The following PRR5L variants were observed in gnomAD, a reference collection of about 807,000 sequenced individuals.
PRR5L encodes the protein proline-rich protein 5-like.
PRR5L carries 21 observed loss-of-function variants against 36.4 expected under a neutral mutation model. The ratio of observed to expected loss-of-function variants is 0.58; its 90% CI spans 0.41 to 0.83. The LOEUF (loss-of-function observed/expected upper bound fraction) is 0.83, where lower values mean the gene tolerates loss of function less well. Ranked by LOEUF, PRR5L falls within the 40% of genes least tolerant of loss-of-function variation. PRR5L has a pLI of 0.00. For synonymous variants in PRR5L, 188 were observed against 197.0 expected, an observed-to-expected ratio of 0.95 and a Z score of 0.38; for missense variants, 381 against 473.3, an observed-to-expected ratio of 0.80 and a Z score of 1.81.
intron 6 of PRR5L, among the ~76,000 whole-genome samples, chr11:36,446,041 A>T (rs1858821538): frequency 6.6e-6 from 1 of 152,164 alleles, no homozygotes; most frequent in Non-Finnish European, 1.5e-5. Flanking sequence ...TAGCACTTAT[A>T]ATAGTGTGGC....
intron 1 of PRR5L, among the ~76,000 whole-genome samples, chr11:36,351,415 A>T (rs867233311): frequency 7.2e-5 from 5 of 69,144 alleles, no homozygotes; most frequent in Non-Finnish European, 1.2e-4. Context: ...ATATATATGT[A>T]TATATATTTA....
At chr11:36,331,137 T>A (rs1299387574) in intron 1 of PRR5L, among the ~76,000 whole-genome samples, 1 of 152,186 alleles carries the variant, frequency 6.6e-6, no homozygotes, top group Non-Finnish European at 1.5e-5. Context: ...ACATTATACA[T>A]TTCTGAAATA....
chr11:36,422,595 G>A (rs1240481617), intron 4 of PRR5L, among the ~76,000 whole-genome samples: 2 of 152,124 alleles, frequency 1.3e-5, no homozygotes, highest in East Asian at 1.9e-4. Context: ...TTTTGAAAGC[G>A]AACATTCTCA....
At chr11:36,376,646 C>T in intron 1 of PRR5L, 2 of 992,512 alleles carry the variant, frequency 2.0e-6, no homozygotes, top group Non-Finnish European at 2.4e-6. Context: ...GAGTCTGGGG[C>T]GGAGGCGAGC....
At chr11:36,380,765 A>T (rs1226954285) in intron 1 of PRR5L, among the ~76,000 whole-genome samples, 1 of 152,206 alleles carries the variant, frequency 6.6e-6, no homozygotes, top group African/African-American at 2.4e-5. Context: ...AGAGGTTTTT[A>T]TATATTCTTC....
In PRR5L at chr11:36,390,237, G is replaced by T. The variant is rs560987051; in HGVS notation, c.-125-10760G>T. ...CAAGTGAAGGTGGGCTATAAAGGGGGTGCAGGTTTGAACCTGGAGAGTTGG... is the reference window on the plus strand; with the variant it reads ...CAAGTGAAGGTGGGCTATAAAGGGGTTGCAGGTTTGAACCTGGAGAGTTGG... On this transcript the variant is annotated intron_variant, in intron 1 of 8. Coordinates refer to ENST00000530639, the MANE Select transcript of PRR5L (RefSeq NM_001160167.2). 5.2e-3 allele frequency among the ~76,000 whole-genome samples: 785 copies of T among 152,302 alleles called. 5 individuals are homozygous for T. Among genetic ancestry groups the T allele is most frequent in the Non-Finnish European group, 8.1e-3 (550 of 68,028 alleles).
chr11:36,393,233 G>T (rs1202072732), intron 1 of PRR5L, among the ~76,000 whole-genome samples: 3 of 152,146 alleles, frequency 2.0e-5, no homozygotes, highest in Non-Finnish European at 4.4e-5. Flanking sequence ...TGCTTGTGGG[G>T]TATTACTCAA....
At chr11:36,419,589 T>C (rs1170644079) in intron 4 of PRR5L, among the ~76,000 whole-genome samples, 1 of 152,234 alleles carries the variant, frequency 6.6e-6, no homozygotes, top group Non-Finnish European at 1.5e-5. Flanking sequence ...TTTACCATAA[T>C]AGAAATTAAA....
chr11:36,428,128 C>A (rs775748436), intron 4 of PRR5L, among the ~76,000 whole-genome samples: 1 of 152,182 alleles, frequency 6.6e-6, no homozygotes, highest in South Asian at 2.1e-4. Flanking sequence ...AGGCCTCCAC[C>A]AACATGACTC....
intron 8 of PRR5L, among the ~76,000 whole-genome samples, chr11:36,457,335 A>C (rs1859081947): frequency 6.6e-6 from 1 of 152,188 alleles, no homozygotes; most frequent in African/African-American, 2.4e-5. Context: ...GGCCGGGCAC[A>C]GTGGCTCATG....
intron 4 of PRR5L, among the ~76,000 whole-genome samples, chr11:36,430,118 A>G (rs1858462341): frequency 6.6e-6 from 1 of 152,050 alleles, no homozygotes; most frequent in Non-Finnish European, 1.5e-5. Flanking sequence ...CCATCTTGAA[A>G]CTACATGGTG....
At chr11:36,330,738 A>G (rs1320983113) in intron 1 of PRR5L, among the ~76,000 whole-genome samples, 1 of 152,240 alleles carries the variant, frequency 6.6e-6, no homozygotes, top group African/African-American at 2.4e-5. Context: ...TTTAGAGACA[A>G]TAGCTAGAAT....
rs1367416163 is a variant in PRR5L at position 36,342,896 on chromosome 11, A to G, written c.-126+46458A>G. 4.6e-5 allele frequency among the ~76,000 whole-genome samples: 7 copies of G among 152,248 alleles called. No homozygotes were observed. In the East Asian group the frequency reaches 1.3e-3, roughly 29 times the overall value. On this transcript the variant is annotated intron_variant, in intron 1 of 8. Transcript: ENST00000530639. ...CCTTAAAACCTGCAGGCATTTAAAAAAATACTGGTGATGCACCAGGGACTG... is the reference window on the plus strand; with the variant it reads ...CCTTAAAACCTGCAGGCATTTAAAAGAATACTGGTGATGCACCAGGGACTG...
rs570406471 is a variant in PRR5L at position 36,406,200 on chromosome 11, C to G, written c.245+2822C>G. Among the ~76,000 whole-genome samples, 55 of 152,124 alleles carry G rather than the reference C, an allele frequency of 3.6e-4. 1 individual carries two copies. The highest frequency in any genetic ancestry group is 1.0e-3 in the African/African-American group (43 of 41,490). Reference sequence around the variant, plus strand: ...CACTCATCATGAGGAGCATGACACTCCCCCAGCCCTCCTTTCCAGTGTTGG... The same window carrying G: ...CACTCATCATGAGGAGCATGACACTGCCCCAGCCCTCCTTTCCAGTGTTGG... On this transcript the variant is annotated intron_variant, in intron 3 of 8. Coordinates refer to ENST00000530639, the MANE Select transcript of PRR5L (RefSeq NM_001160167.2).
Position 36,401,052 on chromosome 11 carries a change from GAGAAGCCCTT to G in PRR5L, c.-69_-60del. The G allele has an allele frequency of 1.9e-6, 3 of 1,575,356 alleles. No individual in the cohort carries two copies. Among genetic ancestry groups the G allele is most frequent in the East Asian group, 2.3e-5 (1 of 44,134 alleles). On this transcript the variant is annotated 5_prime_UTR_variant, in exon 2 of 9. The change creates a premature stop within an existing upstream ORF in the 5' untranslated region. Coordinates refer to ENST00000530639, the MANE Select transcript of PRR5L (RefSeq NM_001160167.2). ...CCTGAGGGCCTGAAGGCAGCCCCTG[GAGAAGCCCTT>G]TCCGAGGGCATTCGGAACCTTCTGG... is the stretch of plus-strand genomic sequence containing the variant.
intron 1 of PRR5L, among the ~76,000 whole-genome samples, chr11:36,355,454 G>A (rs755544029): frequency 6.6e-6 from 1 of 151,980 alleles, no homozygotes; most frequent in Non-Finnish European, 1.5e-5. Flanking sequence ...AGAAGCGGAG[G>A]CACAACTTGC....
At chr11:36,370,854 C>T (rs568043676) in intron 1 of PRR5L, among the ~76,000 whole-genome samples, 6 of 122,618 alleles carry the variant, frequency 4.9e-5, no homozygotes, top group Non-Finnish European at 8.0e-5. Context: ...GCACTCCAGC[C>T]TGGGCAACAG....
intron 5 of PRR5L, among the ~76,000 whole-genome samples, chr11:36,435,539 C>A (rs10836560): frequency 0.27 from 41,481 of 151,994 alleles, 5,789 homozygotes; most frequent in East Asian, 0.42. Flanking sequence ...AGAGAAAGAG[C>A]AGTCAAGGCA....
intron 6 of PRR5L, among the ~76,000 whole-genome samples, chr11:36,439,824 T>A (rs1858684135): frequency 6.6e-6 from 1 of 152,216 alleles, no homozygotes; most frequent in South Asian, 2.1e-4. Flanking sequence ...TCTTTGTGCT[T>A]AGCCTAGAGA....
Sources: allele counts gnomAD v4.1 joint callset (sites outside exome capture counted in the v4.1 genomes callset), GRCh38; gene constraint gnomAD v4.1.1; transcripts MANE v1.5; gene names NCBI Gene and HGNC (gene_info 2026-07-23, HGNC 2026-07-21).